Variants in SLC44A4 observed in about 807,000 individuals in gnomAD.
SLC44A4 encodes the protein solute carrier family 44 member 4.
In SLC44A4, 74 loss-of-function variants were observed where a neutral mutation model predicts 97.0. The observed-to-expected ratio is 0.76, with a 90% CI of 0.63 to 0.93. SLC44A4 has a LOEUF of 0.93. SLC44A4 is among the 40% of genes least tolerant of loss of function. The probability of loss-of-function intolerance (pLI) is 0.00; values close to 1 mark genes in which losing one functional copy is unlikely to be tolerated. For missense variants in SLC44A4, 799 were observed against 902.9 expected (o/e 0.88, Z 1.48); for synonymous variants, 325 against 363.8 (o/e 0.89, Z 1.21).
chr6:31,864,075 T>C (rs930635394), intron 20 of SLC44A4, among the ~76,000 whole-genome samples: 1 of 151,322 alleles, frequency 6.6e-6, no homozygotes, highest in South Asian at 2.1e-4. Flanking sequence ...TTTTTTTTTT[T>C]AATCTTTTTT....
rs748262188 is a variant in SLC44A4, at chr6:31,877,637, G to A, written c.41-555C>T. 16 of 986,920 alleles carry A rather than the reference G, an allele frequency of 1.6e-5. No individual in the cohort carries two copies. Among genetic ancestry groups the A allele is most frequent in the Non-Finnish European group, 1.9e-5 (16 of 830,862 alleles). 61.1% of individuals were successfully genotyped at this position (986,920 alleles called of 1,614,324 possible). On this transcript the variant is annotated intron_variant, in intron 1 of 20. Coordinates refer to ENST00000229729, the MANE Select transcript of SLC44A4 (RefSeq NM_025257.3). The surrounding 1 kb of genome is among the most constrained non-coding windows in gnomAD (Gnocchi z 6.5). Reference sequence around the variant, plus strand: ...CCCAGCAGGGCCTGGGGAGGGAAGCGGCCCTGTACATCCTCACTCTGGTGG... The same window carrying A: ...CCCAGCAGGGCCTGGGGAGGGAAGCAGCCCTGTACATCCTCACTCTGGTGG...
chr6:31,869,636 C>A lies in SLC44A4; in HGVS notation c.1039G>T (p.Ala347Ser), dbSNP rs761275231. 21 of 1,597,996 alleles carry A rather than the reference C, an allele frequency of 1.3e-5. No individual in the cohort carries two copies. The highest frequency in any genetic ancestry group is 1.8e-5 in the Non-Finnish European group (21 of 1,172,586). ...AIALLKEASK[A>S]VGQMMSTMFY... ...ATGGTAGACATCATCTGTCCCACAG[C>A]CCTGCAGGGAGACAAAGCTGTTAAC... Residue 347 changes from alanine to serine, a missense_variant and splice_region_variant, in exon 12 of 21, where the codon GCT (alanine) becomes TCT (serine). Around this residue, in one of 3 missense-constraint regions of SLC44A4, gnomAD observed 11 missense variants for 30.5 expected, o/e 0.36. Coordinates refer to ENST00000229729, the MANE Select transcript of SLC44A4 (RefSeq NM_025257.3).
intron 20 of SLC44A4, 42 bp downstream of exon 20, chr6:31,864,610 G>T: frequency 1.9e-6 from 3 of 1,552,832 alleles, no homozygotes; most frequent in South Asian, 1.1e-5. Flanking sequence ...GAACGGCTCA[G>T]TACTTTAAGG....
Position 31,866,011 on chromosome 6 carries a change from A to G in SLC44A4, c.1349T>C (p.Leu450Pro). The G allele has an allele frequency of 6.2e-7, 1 of 1,614,226 alleles. No individual in the cohort carries two copies. The highest frequency in any genetic ancestry group is 8.5e-7 in the Non-Finnish European group (1 of 1,180,046). Residue 450 changes from leucine to proline, a missense_variant, in exon 14 of 21, where the codon CTC (leucine) becomes CCC (proline). Transcript: ENST00000229729. ...CAGTACCCAGTTAAGGGTCCAGAAG[A>G]GCCCCAGGACCCCATAGATTTGCAG... ...FNLQIYGVLG[L>P]FWTLNWVLAL...
rs1763600761 is a variant in SLC44A4, at chr6:31,878,785, G to A, written c.40+156C>T. 6.6e-6 allele frequency among the ~76,000 whole-genome samples: 1 copy of A among 151,700 alleles called. No homozygotes were observed. Among genetic ancestry groups the A allele is most frequent in the Non-Finnish European group, 1.5e-5 (1 of 67,896 alleles). On this transcript the variant is annotated intron_variant, in intron 1 of 20. Coordinates refer to ENST00000229729, the MANE Select transcript of SLC44A4 (RefSeq NM_025257.3). This position sits in a 1 kb window ranked among gnomAD's most constrained non-coding sequence, Gnocchi z 4.0. ...GGCCCCATCCTCCTCCCAGGACCCT[G>A]ACTCCCTCCCTCCATGGCTCCCGGT...
At position 31,864,063 on chromosome 6, in the gene SLC44A4, C is replaced by CT. The variant is rs60189689; in HGVS notation, c.2012-316dup. ...CTGCTGGGAAGTCTCTCTAATGGCT[C>CT]TTTTTTTTTTTTAATCTTTTTTCTT... On this transcript the variant is annotated intron_variant, in intron 20 of 20. Coordinates refer to ENST00000229729, the MANE Select transcript of SLC44A4 (RefSeq NM_025257.3). 2.5e-3 allele frequency among the ~76,000 whole-genome samples: 368 copies of CT among 145,156 alleles called. 1 individual carries two copies. The highest frequency in any genetic ancestry group is 0.018 in the Middle Eastern group (5 of 282).
At position 31,865,506 on chromosome 6, in the gene SLC44A4, A is replaced by G. The variant is rs747829201; in HGVS notation, c.1678T>C (p.Tyr560His). 1.9e-6 allele frequency: 3 copies of G among 1,607,826 alleles called. No homozygotes were observed. The South Asian group carries it at 3.3e-5, about 18-fold the overall frequency. Reference protein sequence around the residue: ...KFIKFLNRNAYIMIAIYGKNF... With the variant: ...KFIKFLNRNAHIMIAIYGKNF... The stretch of plus-strand genomic sequence containing the variant: ...CTTGCAGTGTAGCTCACCATGATGT[A>G]TGCATTGCGGTTTAGGAACTTGATA... The change falls in exon 16 of 21, where the codon TAC (tyrosine) becomes CAC (histidine). Residue 560 changes from tyrosine to histidine, a missense_variant. Physicochemically the swap from Tyr to His is moderately conservative, Grantham distance 83 (BLOSUM62 2). Transcript: ENST00000229729. This position sits in a 1 kb window ranked among gnomAD's most constrained non-coding sequence, Gnocchi z 5.2.
intron 13 of SLC44A4, among the ~76,000 whole-genome samples, chr6:31,867,824 C>CTTTTTT (rs3997888): frequency 4.6e-4 from 63 of 137,614 alleles, no homozygotes; most frequent in African/African-American, 1.7e-3. Context: ...GTAAATAAAC[C>CTTTTTT]TTTTTTTTTT....
chr6:31,874,775 T>C lies in SLC44A4; in HGVS notation c.414A>G (p.Glu138=). 1.2e-6 allele frequency: 2 copies of C among 1,613,990 alleles called. No homozygotes were observed. The highest frequency in any genetic ancestry group is 1.7e-6 in the Non-Finnish European group (2 of 1,179,968). ...GKNEFSQTVG[E]VFYTKNRNFC... is the part of the protein sequence containing the mutation. The stretch of plus-strand genomic sequence containing the variant: ...AGTTCCTGTTTTTTGTATAGAAGAC[T>C]TCCCCAACAGTCTGTGAGAACTCGT... Residue 138 remains glutamate (E), a synonymous_variant, in exon 6 of 21, where the codon GAA becomes GAG. Coordinates refer to ENST00000229729, the MANE Select transcript of SLC44A4 (RefSeq NM_025257.3). This position sits in a 1 kb window ranked among gnomAD's most constrained non-coding sequence, Gnocchi z 4.8.
Position 31,865,322 on chromosome 6 carries a change from T to C in SLC44A4, c.1753A>G (p.Ile585Val). 1 of 1,613,720 alleles carries C rather than the reference T, an allele frequency of 6.2e-7. No individual in the cohort carries two copies. Among genetic ancestry groups the C allele is most frequent in the Non-Finnish European group, 8.5e-7 (1 of 1,179,952 alleles). ...KNAFMLLMRN[I>V]VRVVVLDKVT... ...GGGGGGGAGCAGCCTAACCTGACAA[T>C]GTTTCGCATGAGTAGCATGAACGCA... The change falls in exon 17 of 21, where the codon ATT (isoleucine) becomes GTT (valine). Residue 585 changes from isoleucine to valine, a missense_variant. Around this residue, in one of 3 missense-constraint regions of SLC44A4, gnomAD observed 379 missense variants for 438.3 expected, o/e 0.86. Coordinates refer to ENST00000229729, the MANE Select transcript of SLC44A4 (RefSeq NM_025257.3). This position sits in a 1 kb window ranked among gnomAD's most constrained non-coding sequence, Gnocchi z 5.2.
rs116505024 is a variant in SLC44A4 at position 31,876,149 on chromosome 6, G to A, written c.90-20C>T. ...CAGCTTCTGAGAGAGAAACGAAACG[G>A]GAGGCTGAGCTAAGGAGACTTGGGG... On this transcript the variant is annotated intron_variant, in intron 2 of 20. Coordinates refer to ENST00000229729, the MANE Select transcript of SLC44A4 (RefSeq NM_025257.3). This position sits in a 1 kb window ranked among gnomAD's most constrained non-coding sequence, Gnocchi z 4.8. The A allele has an allele frequency of 4.9e-3, 7,904 of 1,604,136 alleles. 253 individuals are homozygous for A. The South Asian group carries it at 0.06, about 12-fold the overall frequency.
rs761621007 is a variant in SLC44A4 at position 31,871,266 on chromosome 6, G to C, written c.701+48C>G. On this transcript the variant is annotated intron_variant, in intron 9 of 20. Transcript: ENST00000229729. The stretch of plus-strand genomic sequence containing the variant: ...CATTGGGCGAGGGGGTAGAGGATCA[G>C]GGAGGAAGAAGGCAAGGACACAAGA... The C allele has an allele frequency of 5.8e-6, 9 of 1,557,796 alleles. No homozygotes were observed. In the African/African-American group the frequency reaches 1.1e-4, roughly 19 times the overall value.
rs879606335 is a variant in SLC44A4, at chr6:31,874,114, A to T, written c.529+346T>A. Reference sequence around the variant, plus strand: ...TGGGCAACAGAGGAAGACTCCGTCAAAAAAAAAAAAATGTGTGTGTAGATT... The same window carrying T: ...TGGGCAACAGAGGAAGACTCCGTCATAAAAAAAAAAATGTGTGTGTAGATT... On this transcript the variant is annotated intron_variant, in intron 7 of 20. Transcript: ENST00000229729. This position sits in a 1 kb window ranked among gnomAD's most constrained non-coding sequence, Gnocchi z 4.8. Among the ~76,000 whole-genome samples, 828 of 148,174 alleles carry T rather than the reference A, an allele frequency of 5.6e-3. 4 individuals carry two copies. Among genetic ancestry groups the T allele is most frequent in the African/African-American group, 0.011 (465 of 40,752 alleles).
Position 31,874,451 on chromosome 6 carries a change from GCTT to G in SLC44A4, c.529+6_529+8del. 2 of 1,612,888 alleles carry G rather than the reference GCTT, an allele frequency of 1.2e-6. No homozygotes were observed. Among genetic ancestry groups the G allele is most frequent in the Non-Finnish European group, 1.7e-6 (2 of 1,179,850 alleles). On this transcript the variant is annotated splice_donor_region_variant and intron_variant, in intron 7 of 20. Transcript: ENST00000229729. The surrounding 1 kb of genome is among the most constrained non-coding windows in gnomAD (Gnocchi z 4.8). ...GATGACGTCTGAGGAAGGAATCTGT[GCTT>G]CTCACCTGGAGCAGAGGGGAGGAGG...
Position 31,871,536 on chromosome 6 carries a change from G to T in SLC44A4, c.555C>A (p.Thr185=), listed in dbSNP as rs138177924. 112 of 1,613,618 alleles carry T rather than the reference G, an allele frequency of 6.9e-5. No homozygotes were observed. The African/African-American group carries it at 1.4e-3, about 20-fold the overall frequency. Residue 185 remains threonine (T), a synonymous_variant, in exon 8 of 21, where the codon ACC becomes ACA. Transcript: ENST00000229729. The stretch of plus-strand genomic sequence containing the variant: ...CTGGGAGCGCCGGTGGAGTAACGTT[G>T]GTCCATGGAAAGCAGCGCCCCAGAG... ...APALGRCFPW[T]NVTPPALPGI...
At position 31,864,710 on chromosome 6, in the gene SLC44A4, G is replaced by C; in HGVS notation, c.1953C>G (p.Ile651Met). 6.2e-7 allele frequency: 1 copy of C among 1,614,086 alleles called. No individual in the cohort carries two copies. Among genetic ancestry groups the C allele is most frequent in the African/African-American group, 1.3e-5 (1 of 74,990 alleles). ...CGAAAACGCTGAAGAAGCCGCTGGC[G>C]ATGACATAGGCCCCCAGGATGGAGG... ...IMTSILGAYVIASGFFSVFGM... is the reference protein window; with the variant it reads ...IMTSILGAYVMASGFFSVFGM... The change falls in exon 20 of 21, where the codon ATC becomes ATG. Residue 651 changes from isoleucine to methionine, a missense_variant. Physicochemically the swap from Ile to Met is conservative, Grantham distance 10. Around this residue, in one of 3 missense-constraint regions of SLC44A4, gnomAD observed 379 missense variants for 438.3 expected, o/e 0.86. Coordinates refer to ENST00000229729, the MANE Select transcript of SLC44A4 (RefSeq NM_025257.3).
intron 11 of SLC44A4, among the ~76,000 whole-genome samples, chr6:31,870,014 TCTGCCCTCACTGGGGC>T (rs1763074482): frequency 6.6e-6 from 1 of 150,820 alleles, no homozygotes; most frequent in Non-Finnish European, 1.5e-5. Flanking sequence ...GGCTGACCCC[TCTGCCCTCACTGGGGC>T]CTGCCCCACT....
At chr6:31,875,252 A>G (rs1423025207) in intron 4 of SLC44A4, among the ~76,000 whole-genome samples, 1 of 152,174 alleles carries the variant, frequency 6.6e-6, no homozygotes, top group East Asian at 1.9e-4. Context: ...AGCTCAGAGC[A>G]TGAACTTGGA....
In SLC44A4 at chr6:31,871,402, T is replaced by C. The variant is rs1020573511; in HGVS notation, c.618-5A>G. Reference sequence around the variant, plus strand: ...TTGAGGCTGTCAATAAGACCGCTGTTGGGGAGACAGAGTCAGATGGGGCTG... The same window carrying C: ...TTGAGGCTGTCAATAAGACCGCTGTCGGGGAGACAGAGTCAGATGGGGCTG... On this transcript the variant is annotated splice_polypyrimidine_tract_variant and splice_region_variant and intron_variant, in intron 8 of 20. Coordinates refer to ENST00000229729, the MANE Select transcript of SLC44A4 (RefSeq NM_025257.3). The C allele has an allele frequency of 1.2e-6, 2 of 1,613,898 alleles. No homozygotes were observed. Among genetic ancestry groups the C allele is most frequent in the Non-Finnish European group, 1.7e-6 (2 of 1,179,946 alleles).
Sources: allele counts gnomAD v4.1 joint callset (sites outside exome capture counted in the v4.1 genomes callset), GRCh38; gene constraint gnomAD v4.1.1; regional missense constraint gnomAD v4.1.1; non-coding constraint Gnocchi (gnomAD v3.1); transcripts MANE v1.5; gene names NCBI Gene and HGNC (gene_info 2026-07-23, HGNC 2026-07-21).